UNC80: variants seen among roughly 807,000 people sequenced by gnomAD.
UNC80 encodes unc-80 subunit of NALCN channel complex.
UNC80 carries 164 observed loss-of-function variants against 384.6 expected under a neutral mutation model. The observed-to-expected ratio is 0.43, with a 90% CI of 0.38 to 0.49. The LOEUF (loss-of-function observed/expected upper bound fraction) is 0.49, where lower values mean the gene tolerates loss of function less well. Among genes scored for constraint, UNC80 ranks in the 20% least tolerant of loss-of-function variants. UNC80 has a pLI of 0.00. For missense variants in UNC80, 3,330 were observed against 4,143.0 expected (o/e 0.80, Z 5.39); for synonymous variants, 1,486 against 1,527.8 (o/e 0.97, Z 0.64).
At chr2:209,967,960 A>G (rs1283632389) in intron 52 of UNC80, 2 of 175,540 alleles carry the variant, frequency 1.1e-5, no homozygotes, top group Non-Finnish European at 2.4e-5. Context: ...TTGGCCTTAT[A>G]AATGAAACAA....
intron 25 of UNC80, among the ~76,000 whole-genome samples, chr2:209,883,994 TA>T (rs1480369694): frequency 1.3e-5 from 2 of 152,192 alleles, no homozygotes; most frequent in Admixed American, 6.5e-5. Context: ...TCCTTAAATG[TA>T]ACTTAATTAG....
chr2:209,988,310 T>G (rs183324018), intron 61 of UNC80, among the ~76,000 whole-genome samples: 1 of 152,268 alleles, frequency 6.6e-6, no homozygotes, highest in Non-Finnish European at 1.5e-5. Context: ...AAAGCACAGA[T>G]AAAAGCAATG....
In UNC80 at chr2:209,829,344, C is replaced by T. The variant is rs774914667; in HGVS notation, c.2591C>T (p.Ala864Val). 1 of 1,551,294 alleles carries T rather than the reference C, an allele frequency of 6.4e-7. No homozygotes were observed. The highest frequency in any genetic ancestry group is 1.2e-5 in the South Asian group (1 of 84,046). Residue 864 changes from alanine to valine, a missense_variant, in exon 15 of 65, where the codon GCT becomes GTT. Ala to Val is a moderately conservative substitution (Grantham distance 64). This residue lies in a region of UNC80 where 937 missense variants were observed against 1,026.8 expected (regional missense o/e 0.91). Transcript: ENST00000673920. ...SLNNVVDFLH[A>V]LLGFCMEPVT... ...AATAATGTAGTGGACTTCTTGCATG[C>T]TTTGCTAGGATTTTGTATGGAGCCG...
At chr2:209,928,532 A>G (rs1473316007) in intron 36 of UNC80, among the ~76,000 whole-genome samples, 1 of 152,180 alleles carries the variant, frequency 6.6e-6, no homozygotes, top group Non-Finnish European at 1.5e-5. Context: ...AAATAACATG[A>G]ACATTTTTAA....
At position 209,823,852 on chromosome 2, in the gene UNC80, G is replaced by A. The variant is rs185703774; in HGVS notation, c.2332-2055G>A. On this transcript the variant is annotated intron_variant, in intron 13 of 64. Coordinates refer to ENST00000673920, the MANE Select transcript of UNC80 (RefSeq NM_001371986.1). ...GTTAGTAAATGTTGAAGCTAAAATC[G>A]GAATTCAAACTAAAAATCCAAAAAT... 4.1e-3 allele frequency among the ~76,000 whole-genome samples: 621 copies of A among 152,000 alleles called. 12 individuals are homozygous for A. The highest frequency in any genetic ancestry group is 0.019 in the Admixed American group (284 of 15,262).
Position 209,809,417 on chromosome 2 carries a change from C to T in UNC80, c.939-4163C>T, listed in dbSNP as rs541860948. The T allele has an allele frequency of 4.9e-6, 7 of 1,425,342 alleles. No homozygotes were observed. The African/African-American group carries it at 7.0e-5, about 14-fold the overall frequency. 88.3% of individuals were successfully genotyped at this position (1,425,342 alleles called of 1,614,324 possible). Reference sequence around the variant, plus strand: ...ACTGGTGAGAAGCCCTTCTCCTGTACCCACTGCAGCCGTGCCTTCGCCGAC... The same window carrying T: ...ACTGGTGAGAAGCCCTTCTCCTGTATCCACTGCAGCCGTGCCTTCGCCGAC... On this transcript the variant is annotated intron_variant, in intron 7 of 64. Transcript: ENST00000673920.
intron 2 of UNC80, 133 bp downstream of exon 2, chr2:209,773,275 C>G (rs2076684849): frequency 1.3e-6 from 1 of 766,752 alleles, no homozygotes; most frequent in African/African-American, 1.8e-5. Context: ...CCACTCTGTG[C>G]CAGGCACAAT....
At chr2:209,978,460 A>G (rs1314514557) in intron 58 of UNC80, 69 bp from the exon 59 acceptor site, 2 of 1,327,858 alleles carry the variant, frequency 1.5e-6, no homozygotes, top group Non-Finnish European at 2.0e-6. Flanking sequence ...ACAAGTGGTC[A>G]GGGAGGACTT....
At chr2:209,915,729 G>T (rs2124945557) in intron 31 of UNC80, among the ~76,000 whole-genome samples, 1 of 152,302 alleles carries the variant, frequency 6.6e-6, no homozygotes, top group African/African-American at 2.4e-5. Flanking sequence ...ATAGTGTTTT[G>T]TTGTAGAGGA....
At chr2:209,977,205 T>C in intron 58 of UNC80, 127 bp downstream of exon 58, 1 of 936,560 alleles carries the variant, frequency 1.1e-6, no homozygotes, top group Non-Finnish European at 1.4e-6. Context: ...GGTACACTGT[T>C]AGATTTGACC....
intron 29 of UNC80, among the ~76,000 whole-genome samples, chr2:209,907,785 A>C (rs1222587396): frequency 6.6e-6 from 1 of 152,222 alleles, no homozygotes; most frequent in African/African-American, 2.4e-5. Flanking sequence ...CAGAGTACTC[A>C]CTTATGTAAT....
chr2:209,857,816 T>G (rs1038649694), intron 22 of UNC80, among the ~76,000 whole-genome samples: 10 of 152,220 alleles, frequency 6.6e-5, no homozygotes, highest in African/African-American at 2.4e-4. Context: ...CTCATAGGTA[T>G]CTATATATGT....
chr2:209,901,140 A>C (rs555132150), intron 28 of UNC80, among the ~76,000 whole-genome samples: 5 of 152,216 alleles, frequency 3.3e-5, no homozygotes, highest in African/African-American at 1.2e-4. Context: ...ATGATTTTTA[A>C]TGTAGAAGAG....
In UNC80 at chr2:209,978,596, C is replaced by T. The variant is rs1459459006; in HGVS notation, c.9006C>T (p.Ala3002=). 1 of 1,551,342 alleles carries T rather than the reference C, an allele frequency of 6.4e-7. No homozygotes were observed. The highest frequency in any genetic ancestry group is 2.4e-5 in the East Asian group (1 of 40,924). The change falls in exon 59 of 65, where the codon GCC becomes GCT. Residue 3002 remains alanine, a synonymous_variant. Transcript: ENST00000673920. ...TSTSAYRLSL[A]TMSRSNTGTG... ...CCTCTGCTTACCGCCTGAGCTTGGC[C>T]ACCATGTCCCGCTCTAACACGGGCA...
intron 28 of UNC80, among the ~76,000 whole-genome samples, chr2:209,901,467 T>A (rs1474263698): frequency 1.3e-5 from 2 of 152,070 alleles, no homozygotes; most frequent in Admixed American, 1.3e-4. Context: ...CAAAAAAAAA[T>A]TTCTTTCAAT....
intron 7 of UNC80, chr2:209,808,682 T>TC (rs554298370): frequency 2.8e-3 from 308 of 111,598 alleles, no homozygotes; most frequent in African/African-American, 8.9e-3. Flanking sequence ...CCCACCCTGC[T>TC]CCCCTGGAGT....
intron 7 of UNC80, chr2:209,809,437 G>T (rs541532896): frequency 6.8e-7 from 1 of 1,469,876 alleles, no homozygotes; most frequent in Non-Finnish European, 9.5e-7. Flanking sequence ...CCGTGCCTTC[G>T]CCGACCGCTC....
chr2:209,985,737 A>G (rs1390644942), intron 61 of UNC80, among the ~76,000 whole-genome samples: 2 of 152,194 alleles, frequency 1.3e-5, no homozygotes, highest in African/African-American at 4.8e-5. Context: ...TCCTTAGAGT[A>G]TCTTTGTGCC....
At chr2:209,957,330 C>T (rs1198706075) in intron 48 of UNC80, among the ~76,000 whole-genome samples, 1 of 152,058 alleles carries the variant, frequency 6.6e-6, no homozygotes. Context: ...TTACTCTCAA[C>T]TGGTACAGAC....
Sources: allele counts gnomAD v4.1 joint callset (sites outside exome capture counted in the v4.1 genomes callset), GRCh38; gene constraint gnomAD v4.1.1; regional missense constraint gnomAD v4.1.1; transcripts MANE v1.5; gene names NCBI Gene and HGNC (gene_info 2026-07-23, HGNC 2026-07-21).